Variants in HIC2 observed in about 807,000 individuals in gnomAD.
HIC2 encodes the protein HIC ZBTB transcriptional repressor 2.
Under a neutral mutation model 39.5 loss-of-function variants are expected in HIC2, and 2 were observed. That is an observed-to-expected ratio of 0.05 (90% CI 0.02 to 0.16). The LOEUF is 0.16. Ranked by LOEUF, HIC2 falls within the 10% of genes least tolerant of loss-of-function variation. The pLI is 1.00. For synonymous variants in HIC2, 399 were observed against 368.8 expected (o/e 1.08, Z -0.94); for missense variants, 713 against 863.5 (o/e 0.83, Z 2.18).
rs1030197562 is a variant in HIC2 at position 21,450,077 on chromosome 22, T to C, written c.*3334T>C. On this transcript the variant is annotated 3_prime_UTR_variant, in exon 3 of 3. Coordinates refer to ENST00000407464, the MANE Select transcript of HIC2 (RefSeq NM_015094.3). Reference sequence around the variant, plus strand: ...TTACCAACATAGACGGTGCAAACACTCTTAACAGTGTTGTTTTTGTATCAA... The same window carrying C: ...TTACCAACATAGACGGTGCAAACACCCTTAACAGTGTTGTTTTTGTATCAA... 2.0e-5 allele frequency: 3 copies of C among 152,744 alleles called. No individual in the cohort carries two copies. The highest frequency in any genetic ancestry group is 2.0e-4 in the Admixed American group (3 of 15,290). The allele number at this position is 152,744 out of a possible 1,614,324, so 9.5% of individuals were successfully genotyped here. A position where few individuals can be genotyped will look rare whatever the true frequency, so the allele number is the denominator to read the frequency against.
chr22:21,431,950 C>T (rs1181825642), intron 1 of HIC2, among the ~76,000 whole-genome samples: 1 of 132,396 alleles, frequency 7.6e-6, no homozygotes, highest in African/African-American at 2.7e-5. Flanking sequence ...CAGCCTGGGC[C>T]ACAGAGCAAG....
chr22:21,446,809 G>A lies in HIC2; in HGVS notation c.*66G>A. 1.3e-6 allele frequency: 2 copies of A among 1,544,332 alleles called. No individual in the cohort carries two copies. The highest frequency in any genetic ancestry group is 1.7e-6 in the Non-Finnish European group (2 of 1,145,470). ...CGGGAACCCATGGAAGGAGAAGCGA[G>A]GTGATGCAGCAGCAGGGGCAAGACC... On this transcript the variant is annotated 3_prime_UTR_variant, in exon 3 of 3. Coordinates refer to ENST00000407464, the MANE Select transcript of HIC2 (RefSeq NM_015094.3).
In HIC2 at chr22:21,451,377, C is replaced by A. The variant is rs1165286220; in HGVS notation, c.*4634C>A. 1.3e-5 allele frequency: 2 copies of A among 152,810 alleles called. No homozygotes were observed. The highest frequency in any genetic ancestry group is 4.8e-5 in the African/African-American group (2 of 41,444). The allele number at this position is 152,810 out of a possible 1,614,324, so 9.5% of individuals were successfully genotyped here. ...GAAAAGCAATTCACCAACGACTGAT[C>A]TCTCCATTCAGAAGTGTGCAGTCTT... On this transcript the variant is annotated 3_prime_UTR_variant, in exon 3 of 3. Transcript: ENST00000407464.
At chr22:21,421,534 A>G (rs1289566022) in intron 1 of HIC2, among the ~76,000 whole-genome samples, 4 of 64,136 alleles carry the variant, frequency 6.2e-5, no homozygotes, top group African/African-American at 1.5e-4. Context: ...CCTTCTAACT[A>G]TTCAATTTAT....
chr22:21,445,181 A>G lies in HIC2; in HGVS notation c.286A>G (p.Ile96Val), dbSNP rs1377514828. Residue 96 changes from isoleucine to valine, a missense_variant, in exon 3 of 3, where the codon ATC becomes GTC. By Grantham distance (29) the Ile-to-Val change is conservative. Transcript: ENST00000407464. The stretch of plus-strand genomic sequence containing the variant: ...GGTCAGCTCCACAGTGTTCCAGCAG[A>G]TCTTGGACTTCATCTACACAGGCAA... ...DMVSSTVFQQ[I>V]LDFIYTGKLL... 3 of 1,613,948 alleles carry G rather than the reference A, an allele frequency of 1.9e-6. No homozygotes were observed. Among genetic ancestry groups the G allele is most frequent in the Non-Finnish European group, 2.5e-6 (3 of 1,179,986 alleles).
In HIC2 at chr22:21,447,450, G is replaced by GT. The variant is rs1923918515; in HGVS notation, c.*708dup. On this transcript the variant is annotated 3_prime_UTR_variant, in exon 3 of 3. Transcript: ENST00000407464. Reference sequence around the variant, plus strand: ...CTGAGCCTGGGTCTGAAGACTGAATGTAACAGGGGCCGCTGGCACTCCTGC... The same window carrying GT: ...CTGAGCCTGGGTCTGAAGACTGAATGTTAACAGGGGCCGCTGGCACTCCTGC... 2 of 152,696 alleles carry GT rather than the reference G, an allele frequency of 1.3e-5. No individual in the cohort carries two copies. Among genetic ancestry groups the GT allele is most frequent in the African/African-American group, 2.4e-5 (1 of 41,448 alleles). 9.5% of individuals were successfully genotyped at this position (152,696 alleles called of 1,614,324 possible).
rs1160612834 is a variant in HIC2 at position 21,449,554 on chromosome 22, A to C, written c.*2811A>C. ...ATATATTTATCTCATTGTTTACATA[A>C]GCTTTTACAGTTTCAGACCTCAGCA... On this transcript the variant is annotated 3_prime_UTR_variant, in exon 3 of 3. Transcript: ENST00000407464. 1 of 152,830 alleles carries C rather than the reference A, an allele frequency of 6.5e-6. No individual in the cohort carries two copies. Among genetic ancestry groups the C allele is most frequent in the Non-Finnish European group, 1.5e-5 (1 of 68,052 alleles). The allele number at this position is 152,830 out of a possible 1,614,324, so 9.5% of individuals were successfully genotyped here.
rs1397728620 is a variant in HIC2, at chr22:21,446,200, G to C, written c.1305G>C (p.Val435=). 1 of 1,611,596 alleles carries C rather than the reference G, an allele frequency of 6.2e-7. No homozygotes were observed. The highest frequency in any genetic ancestry group is 8.5e-7 in the Non-Finnish European group (1 of 1,180,008). ...YMYRQEGYET[V]SYGDNLYVCI... is the part of the protein sequence containing the mutation. Reference sequence around the variant, plus strand: ...ACCGGCAGGAGGGCTACGAGACGGTGTCCTACGGGGACAACTTGTATGTGT... The same window carrying C: ...ACCGGCAGGAGGGCTACGAGACGGTCTCCTACGGGGACAACTTGTATGTGT... The change falls in exon 3 of 3, where the codon GTG becomes GTC. Residue 435 remains valine, a synonymous_variant. Coordinates refer to ENST00000407464, the MANE Select transcript of HIC2 (RefSeq NM_015094.3).
chr22:21,445,734 C>T lies in HIC2; in HGVS notation c.839C>T (p.Ser280Leu), dbSNP rs1333223443. 3.1e-6 allele frequency: 5 copies of T among 1,611,160 alleles called. No homozygotes were observed. The highest frequency in any genetic ancestry group is 3.4e-6 in the Non-Finnish European group (4 of 1,178,964). ...AAQLSDSQHGSPPAASAPPVA... is the reference protein window; with the variant it reads ...AAQLSDSQHGLPPAASAPPVA... The stretch of plus-strand genomic sequence containing the variant: ...CAGCTGAGCGACAGCCAACATGGCT[C>T]GCCCCCTGCGGCCTCTGCTCCTCCC... The change falls in exon 3 of 3, where the codon TCG (serine) becomes TTG (leucine). Residue 280 changes from serine to leucine, a missense_variant. Ser to Leu is a moderately radical substitution (Grantham distance 145). This residue lies in a region of HIC2 where 457 missense variants were observed against 420.2 expected (regional missense o/e 1.09). Transcript: ENST00000407464.
Position 21,446,364 on chromosome 22 carries a change from A to G in HIC2, c.1469A>G (p.Asp490Gly). 1 of 1,612,704 alleles carries G rather than the reference A, an allele frequency of 6.2e-7. No individual in the cohort carries two copies. The highest frequency in any genetic ancestry group is 8.5e-7 in the Non-Finnish European group (1 of 1,180,002). The change falls in exon 3 of 3, where the codon GAC becomes GGC. Residue 490 changes from aspartate to glycine, a missense_variant. Asp to Gly is a moderately conservative substitution (Grantham distance 94, BLOSUM62 -1). Coordinates refer to ENST00000407464, the MANE Select transcript of HIC2 (RefSeq NM_015094.3). Reference protein sequence around the residue: ...GSGGAEEEAEDLSAPSAAYTA... With the variant: ...GSGGAEEEAEGLSAPSAAYTA... ...GGGGGTGCCGAGGAGGAGGCCGAGG[A>G]CCTGTCAGCACCCAGTGCGGCCTAC... is the stretch of plus-strand genomic sequence containing the variant.
In HIC2 at chr22:21,449,487, G is replaced by C. The variant is rs148719861; in HGVS notation, c.*2744G>C. 1.0e-3 allele frequency: 157 copies of C among 152,872 alleles called. 1 individual carries two copies. The highest frequency in any genetic ancestry group is 3.7e-3 in the African/African-American group (155 of 41,558). 9.5% of individuals were successfully genotyped at this position (152,872 alleles called of 1,614,324 possible). On this transcript the variant is annotated 3_prime_UTR_variant, in exon 3 of 3. Coordinates refer to ENST00000407464, the MANE Select transcript of HIC2 (RefSeq NM_015094.3). ...TATTTTTTAAACCAAAGCACATTTT[G>C]AATGAGTATGGAACCTCCATGGGCT...
intron 2 of HIC2, among the ~76,000 whole-genome samples, chr22:21,444,320 C>T (rs1923683250): frequency 6.6e-6 from 1 of 152,246 alleles, no homozygotes; most frequent in East Asian, 1.9e-4. Flanking sequence ...GCACTTGGCG[C>T]CCGCCCAGAG....
chr22:21,421,389 T>G, intron 1 of HIC2, among the ~76,000 whole-genome samples: 1 of 56,466 alleles, frequency 1.8e-5, no homozygotes, highest in Non-Finnish European at 4.4e-5. Context: ...GGCTGGGAGC[T>G]GGTTCCAGCC....
chr22:21,444,889 A>G, intron 2 of HIC2, 33 bp from the exon 3 acceptor site: 1 of 1,584,668 alleles, frequency 6.3e-7, no homozygotes, highest in Non-Finnish European at 8.6e-7. Context: ...TGTGCCAGTC[A>G]TCTGACGCAT....
rs1407354423 is a variant in HIC2, at chr22:21,447,654, A to G, written c.*911A>G. On this transcript the variant is annotated 3_prime_UTR_variant, in exon 3 of 3. Coordinates refer to ENST00000407464, the MANE Select transcript of HIC2 (RefSeq NM_015094.3). ...TGTTTAGAGGTACTTGTTTTTTATT[A>G]AGAGAAAAACCAGTGTAACGTTTAT... 1 of 151,688 alleles carries G rather than the reference A, an allele frequency of 6.6e-6. No homozygotes were observed. Among genetic ancestry groups the G allele is most frequent in the Non-Finnish European group, 1.5e-5 (1 of 67,868 alleles). 9.4% of individuals were successfully genotyped at this position (151,688 alleles called of 1,614,324 possible). A position where few individuals can be genotyped will look rare whatever the true frequency, so the allele number is the denominator to read the frequency against.
chr22:21,443,327 C>T (rs1218643906), intron 2 of HIC2, among the ~76,000 whole-genome samples: 10 of 152,190 alleles, frequency 6.6e-5, no homozygotes, highest in Non-Finnish European at 5.9e-5. Context: ...TGCACCCTTG[C>T]GTGTTCACAT....
Position 21,451,245 on chromosome 22 carries a change from CCTGTA to C in HIC2, c.*4506_*4510del, listed in dbSNP as rs1392090362. 6.5e-6 allele frequency: 1 copy of C among 152,782 alleles called. No homozygotes were observed. The highest frequency in any genetic ancestry group is 6.5e-5 in the Admixed American group (1 of 15,288). The allele number at this position is 152,782 out of a possible 1,614,324, so 9.5% of individuals were successfully genotyped here. A position where few individuals can be genotyped will look rare whatever the true frequency, so the allele number is the denominator to read the frequency against. On this transcript the variant is annotated 3_prime_UTR_variant, in exon 3 of 3. Transcript: ENST00000407464. ...GGGGGAGGGACACCGGGATCGCACT[CCTGTA>C]CTGGCCACCGCCGCTGTCACTTGTC...
Position 21,426,586 on chromosome 22 carries a change from A to G in HIC2, c.-74+9026A>G, listed in dbSNP as rs1174045601. On this transcript the variant is annotated intron_variant, in intron 1 of 2. Coordinates refer to ENST00000407464, the MANE Select transcript of HIC2 (RefSeq NM_015094.3). The stretch of plus-strand genomic sequence containing the variant: ...CGGGTTCAAGCAATTCTATTGCCTC[A>G]GCCTCCCAAGTAGCTGAGATTATAG... Among the ~76,000 whole-genome samples, 3 of 118,576 alleles carry G rather than the reference A, an allele frequency of 2.5e-5. No homozygotes were observed. In the East Asian group the frequency reaches 1.0e-3, roughly 40 times the overall value. The allele number at this position is 118,576 out of a possible 152,430, so 77.8% of individuals were successfully genotyped here.
chr22:21,426,440 G>A (rs1208363434), intron 1 of HIC2, among the ~76,000 whole-genome samples: 3 of 147,080 alleles, frequency 2.0e-5, no homozygotes, highest in African/African-American at 7.4e-5. Context: ...GGGATTACAG[G>A]TGTTGAGCCA....
Sources: allele counts gnomAD v4.1 joint callset (sites outside exome capture counted in the v4.1 genomes callset), GRCh38; gene constraint gnomAD v4.1.1; regional missense constraint gnomAD v4.1.1; transcripts MANE v1.5; gene names NCBI Gene and HGNC (gene_info 2026-07-23, HGNC 2026-07-21).